The following NAA25 variants were observed in gnomAD, a reference collection of about 807,000 sequenced individuals.
NAA25 encodes N-terminal acetyltransferase B complex subunit NAA25.
In NAA25, 30 loss-of-function variants were observed where a neutral mutation model predicts 132.5. The observed-to-expected ratio is 0.23, with a 90% CI of 0.17 to 0.31. The LOEUF is 0.31. NAA25 is among the 10% of genes least tolerant of loss of function. The pLI, the probability that NAA25 is intolerant of heterozygous loss-of-function variation, is 1.00. For synonymous variants in NAA25, 359 were observed against 401.9 expected, an observed-to-expected ratio of 0.89 and a Z score of 1.28; for missense variants, 771 against 1,150.4, an observed-to-expected ratio of 0.67 and a Z score of 4.77.
chr12:112,040,026 T>C (rs1157322969), intron 21 of NAA25: 1 of 157,008 alleles, frequency 6.4e-6, no homozygotes, highest in Non-Finnish European at 1.4e-5. Flanking sequence ...AGATAATAGA[T>C]TATGAGTGTT....
chr12:112,047,274 CA>C (rs1220420760), intron 17 of NAA25, among the ~76,000 whole-genome samples: 3 of 148,804 alleles, frequency 2.0e-5, no homozygotes, highest in African/African-American at 7.5e-5. Context: ...TCTTGTTGCC[CA>C]GGCTGGAGTG....
chr12:112,056,351 A>C (rs1384607251), intron 13 of NAA25, among the ~76,000 whole-genome samples: 1 of 151,754 alleles, frequency 6.6e-6, no homozygotes, highest in Non-Finnish European at 1.5e-5. Flanking sequence ...AATAAAATTT[A>C]ATAATAAATA....
chr12:112,044,453 G>A (rs962601558), intron 17 of NAA25, among the ~76,000 whole-genome samples: 5 of 150,068 alleles, frequency 3.3e-5, no homozygotes, highest in Admixed American at 1.3e-4. Context: ...GGCAGATCAC[G>A]AGGTCAGGAG....
At chr12:112,101,799 A>C (rs1469803444) in intron 1 of NAA25, among the ~76,000 whole-genome samples, 1 of 151,804 alleles carries the variant, frequency 6.6e-6, no homozygotes, top group East Asian at 1.9e-4. Context: ...AGTGATCACA[A>C]CAGGAAGTTC....
intron 16 of NAA25, 141 bp from the exon 17 acceptor site, chr12:112,047,931 G>C: frequency 1.1e-6 from 1 of 873,028 alleles, no homozygotes; most frequent in Non-Finnish European, 1.7e-6. Flanking sequence ...ACCAAGCGCA[G>C]ATCAAACTGG....
intron 10 of NAA25, chr12:112,069,193 C>T (rs1044273041): frequency 7.8e-6 from 4 of 509,688 alleles, no homozygotes; most frequent in Admixed American, 7.2e-5. Flanking sequence ...TTCACCACTG[C>T]ACCTGACTAG....
intron 23 of NAA25, among the ~76,000 whole-genome samples, chr12:112,032,041 G>A (rs1427685142): frequency 6.6e-6 from 1 of 151,168 alleles, no homozygotes; most frequent in African/African-American, 2.4e-5. Flanking sequence ...TCGGCTCACT[G>A]CAAGCTCTGC....
chr12:112,089,241 A>G (rs1001412511), intron 3 of NAA25, among the ~76,000 whole-genome samples: 6 of 152,204 alleles, frequency 3.9e-5, no homozygotes, highest in Non-Finnish European at 7.3e-5. Context: ...CTCAAAAGAA[A>G]TTGGCAAAAA....
chr12:112,038,054 T>C (rs187691124), intron 22 of NAA25, among the ~76,000 whole-genome samples: 2 of 152,236 alleles, frequency 1.3e-5, no homozygotes, highest in African/African-American at 4.8e-5. Context: ...CGCTCTGTCA[T>C]CCAGACTGGA....
At position 112,043,655 on chromosome 12, in the gene NAA25, T is replaced by C. The variant is rs1415073078; in HGVS notation, c.2220A>G (p.Thr740=). 1.9e-6 allele frequency: 3 copies of C among 1,614,102 alleles called. No homozygotes were observed. Among genetic ancestry groups the C allele is most frequent in the Non-Finnish European group, 2.5e-6 (3 of 1,180,042 alleles). ...TATCCTTCTCAATAAATCGCTTTCCTGTCTCCAGGGTTGCCTCCAGCTGTT... is the reference window on the plus strand; with the variant it reads ...TATCCTTCTCAATAAATCGCTTTCCCGTCTCCAGGGTTGCCTCCAGCTGTT... ...LLQQLEATLE[T]GKRFIEKDIQ... The change falls in exon 18 of 24, where the codon ACA becomes ACG. Residue 740 remains threonine (T), a synonymous_variant. Transcript: ENST00000261745.
chr12:112,085,896 T>C (rs528410367), intron 4 of NAA25, among the ~76,000 whole-genome samples: 1 of 148,866 alleles, frequency 6.7e-6, no homozygotes, highest in African/African-American at 2.5e-5. Context: ...CATGTGCCTG[T>C]AGTCCCAGTA....
rs540935664 is a variant in NAA25 at position 112,049,746 on chromosome 12, C to G, written c.1729-1303G>C. The G allele has an allele frequency of 7.3e-6, 4 of 550,574 alleles. No individual in the cohort carries two copies. Among genetic ancestry groups the G allele is most frequent in the South Asian group, 1.6e-4 (2 of 12,766 alleles). 34.1% of individuals were successfully genotyped at this position (550,574 alleles called of 1,614,324 possible). A position where few individuals can be genotyped will look rare whatever the true frequency, so the allele number is the denominator to read the frequency against. The stretch of plus-strand genomic sequence containing the variant: ...ATTAAAGGACAGTGATACACCCTAT[C>G]AAGAGGAGGCCAGGATACTCTAAAC... On this transcript the variant is annotated intron_variant, in intron 15 of 23. Coordinates refer to ENST00000261745, the MANE Select transcript of NAA25 (RefSeq NM_024953.4). The surrounding 1 kb of genome is among the most constrained non-coding windows in gnomAD (Gnocchi z 4.7).
chr12:112,079,410 C>T (rs963584780), intron 5 of NAA25, among the ~76,000 whole-genome samples: 1 of 151,964 alleles, frequency 6.6e-6, no homozygotes, highest in Non-Finnish European at 1.5e-5. Flanking sequence ...CATGGCAAAA[C>T]CCCCGTCTCT....
Position 112,078,754 on chromosome 12 carries a change from AAAT to A in NAA25, c.478-16_478-14del. 1 of 1,596,720 alleles carries A rather than the reference AAAT, an allele frequency of 6.3e-7. No homozygotes were observed. Among genetic ancestry groups the A allele is most frequent in the Non-Finnish European group, 8.6e-7 (1 of 1,165,516 alleles). On this transcript the variant is annotated splice_polypyrimidine_tract_variant and intron_variant, in intron 5 of 23. Transcript: ENST00000261745. Reference sequence around the variant, plus strand: ...GTGCCGATATAGACTGAAAGAAGAAAAATAATGTTTCATTCTAATTCTCCCCTG... The same window carrying A: ...GTGCCGATATAGACTGAAAGAAGAAAAATGTTTCATTCTAATTCTCCCCTG...
intron 9 of NAA25, among the ~76,000 whole-genome samples, chr12:112,074,158 C>T (rs1485267440): frequency 2.6e-5 from 4 of 151,760 alleles, no homozygotes; most frequent in Admixed American, 2.6e-4. Context: ...CTGGCCAACA[C>T]GGTGAAACCC....
At chr12:112,107,808 G>A (rs1393976473) in intron 1 of NAA25, among the ~76,000 whole-genome samples, 1 of 152,072 alleles carries the variant, frequency 6.6e-6, no homozygotes. Context: ...AAGAGGAAAG[G>A]AAATGCAAAA....
intron 11 of NAA25, among the ~76,000 whole-genome samples, chr12:112,067,628 G>A (rs1217685652): frequency 2.0e-5 from 3 of 151,982 alleles, no homozygotes; most frequent in Admixed American, 1.3e-4. Flanking sequence ...GAGGATCACT[G>A]GAACCCAGGA....
Position 112,043,648 on chromosome 12 carries a change from G to A in NAA25, c.2227C>T (p.Arg743Ter). 1.2e-6 allele frequency: 2 copies of A among 1,614,022 alleles called. No individual in the cohort carries two copies. Among genetic ancestry groups the A allele is most frequent in the Non-Finnish European group, 1.7e-6 (2 of 1,179,970 alleles). Residue 743 changes from arginine to a stop codon, truncating the protein, a stop_gained, in exon 18 of 24, where the codon CGA becomes TGA. Transcript: ENST00000261745. LOFTEE classifies it high-confidence loss of function. ...ACCTGAATATCCTTCTCAATAAATC[G>A]CTTTCCTGTCTCCAGGGTTGCCTCC... The part of the protein sequence containing the change: ...QLEATLETGK[R>*]FIEKDIQYPF...
intron 23 of NAA25, among the ~76,000 whole-genome samples, chr12:112,030,604 G>A (rs1042084261): frequency 6.6e-6 from 1 of 152,138 alleles, no homozygotes; most frequent in Non-Finnish European, 1.5e-5. Flanking sequence ...AAAAGGGAAG[G>A]GGTGAGTTCT....
Sources: allele counts gnomAD v4.1 joint callset (sites outside exome capture counted in the v4.1 genomes callset), GRCh38; gene constraint gnomAD v4.1.1; non-coding constraint Gnocchi (gnomAD v3.1); transcripts MANE v1.5; gene names NCBI Gene and HGNC (gene_info 2026-07-23, HGNC 2026-07-21).